Variants in SLCO6A1 observed in about 807,000 individuals in gnomAD.
SLCO6A1 encodes cancer/testis antigen 48.
In SLCO6A1, 65 loss-of-function variants were observed where a neutral mutation model predicts 72.7. That is an observed-to-expected ratio of 0.89 (90% CI 0.73 to 1.10). The LOEUF is 1.10. Among genes scored for constraint, SLCO6A1 ranks in the 50% least tolerant of loss-of-function variants. The pLI is 0.00. For synonymous variants in SLCO6A1, 314 were observed against 298.2 expected (o/e 1.05, Z -0.55); for missense variants, 874 against 872.6 (o/e 1.00, Z -0.02).
chr5:102,422,875 G>A (rs894298455), intron 7 of SLCO6A1, among the ~76,000 whole-genome samples: 4 of 152,092 alleles, frequency 2.6e-5, no homozygotes, highest in South Asian at 2.1e-4. Context: ...CAGCTAGAGA[G>A]AAAGGTCAGG....
chr5:102,404,957 A>G (rs902138558), intron 9 of SLCO6A1, among the ~76,000 whole-genome samples: 1 of 152,188 alleles, frequency 6.6e-6, no homozygotes, highest in Non-Finnish European at 1.5e-5. Context: ...CCTAAATTAA[A>G]AGAAAATACA....
At chr5:102,378,083 C>T (rs950329903) in intron 12 of SLCO6A1, among the ~76,000 whole-genome samples, 1 of 151,424 alleles carries the variant, frequency 6.6e-6, no homozygotes, top group Admixed American at 6.6e-5. Context: ...TATAAGTGTA[C>T]CAAATGGAAT....
At chr5:102,385,823 T>C (rs560574237) in intron 12 of SLCO6A1, among the ~76,000 whole-genome samples, 277 of 133,246 alleles carry the variant, frequency 2.1e-3, no homozygotes, top group African/African-American at 7.2e-3. Flanking sequence ...TCTCCTGTTT[T>C]TCCTTTTTTT....
At chr5:102,463,393 C>T (rs1284812821) in intron 4 of SLCO6A1, among the ~76,000 whole-genome samples, 1 of 152,146 alleles carries the variant, frequency 6.6e-6, no homozygotes, top group Non-Finnish European at 1.5e-5. Context: ...GTAGAACTAC[C>T]ATTTGATCAA....
intron 8 of SLCO6A1, among the ~76,000 whole-genome samples, chr5:102,417,462 T>C (rs982243914): frequency 7.2e-5 from 11 of 152,066 alleles, no homozygotes; most frequent in Admixed American, 5.2e-4. Context: ...TATTTTTTAA[T>C]AATTTCATTT....
chr5:102,498,667 T>G lies in SLCO6A1; in HGVS notation c.178A>C (p.Arg60=). ...YLRLLPEALI[R]FGGFRKRKKA... is the part of the protein sequence containing the mutation. ...TTCCTTTTTCGGAAACCGCCGAACC[T>G]TATCAAGGCCTCTGGAAGTAGTCTC... Residue 60 remains arginine, a synonymous_variant, in exon 1 of 14, where the codon AGG becomes CGG. Transcript: ENST00000506729. 1 of 1,614,214 alleles carries G rather than the reference T, an allele frequency of 6.2e-7. No homozygotes were observed. Among genetic ancestry groups the G allele is most frequent in the Non-Finnish European group, 8.5e-7 (1 of 1,180,024 alleles).
At chr5:102,380,604 A>G (rs1011744555) in intron 12 of SLCO6A1, among the ~76,000 whole-genome samples, 1 of 152,006 alleles carries the variant, frequency 6.6e-6, no homozygotes, top group African/African-American at 2.4e-5. Flanking sequence ...CATGCTCTAG[A>G]GTAGTGCTAG....
intron 4 of SLCO6A1, among the ~76,000 whole-genome samples, chr5:102,473,323 G>A (rs1184708752): frequency 1.3e-5 from 2 of 152,022 alleles, no homozygotes; most frequent in Non-Finnish European, 2.9e-5. Context: ...TTCAGCATAT[G>A]AAAATAAATC....
intron 12 of SLCO6A1, among the ~76,000 whole-genome samples, chr5:102,387,384 C>A (rs533687890): frequency 3.9e-5 from 6 of 152,144 alleles, no homozygotes; most frequent in Non-Finnish European, 8.8e-5. Flanking sequence ...TTCTAGTTCA[C>A]CAACTTTGTC....
chr5:102,438,898 T>TGATA (rs926893327), intron 6 of SLCO6A1, 137 bp from the exon 7 acceptor site: 60 of 331,488 alleles, frequency 1.8e-4, no homozygotes, highest in South Asian at 1.5e-3. Context: ...GATAGATAGA[T>TGATA]GATAGATAGA....
At chr5:102,391,217 T>A in intron 10 of SLCO6A1, 172 bp from the exon 11 acceptor site, 2 of 599,568 alleles carry the variant, frequency 3.3e-6, no homozygotes, top group Non-Finnish European at 2.9e-6. Context: ...ACTCCCCATT[T>A]CTCCATATCC....
At chr5:102,384,940 C>G (rs536651719) in intron 12 of SLCO6A1, among the ~76,000 whole-genome samples, 55 of 152,214 alleles carry the variant, frequency 3.6e-4, no homozygotes, top group South Asian at 6.2e-4. Flanking sequence ...GTACACTCCA[C>G]AGTGTGGGAG....
intron 7 of SLCO6A1, among the ~76,000 whole-genome samples, chr5:102,438,263 G>C (rs1749652542): frequency 6.6e-6 from 1 of 151,930 alleles, no homozygotes; most frequent in East Asian, 1.9e-4. Flanking sequence ...AGCTGCAGAA[G>C]AGTATATATA....
At chr5:102,451,294 AG>A (rs1750403223) in intron 6 of SLCO6A1, among the ~76,000 whole-genome samples, 1 of 152,118 alleles carries the variant, frequency 6.6e-6, no homozygotes, top group Non-Finnish European at 1.5e-5. Flanking sequence ...GAGCTCAGGC[AG>A]GGGTGGGTTG....
In SLCO6A1 at chr5:102,438,747, A is replaced by G; in HGVS notation, c.1146T>C (p.Asn382=). 6.5e-7 allele frequency: 1 copy of G among 1,541,832 alleles called. No homozygotes were observed. Among genetic ancestry groups the G allele is most frequent in the Non-Finnish European group, 8.7e-7 (1 of 1,152,424 alleles). ...LCAALWILMK[N]PVLICLALSK... The stretch of plus-strand genomic sequence containing the variant: ...ACAGAGCTAGGCATATGAGCACTGG[A>G]TTCTTCATCAGAATCTGAAATAAAA... Residue 382 remains asparagine (N), a synonymous_variant, in exon 7 of 14, where the codon AAT becomes AAC. Coordinates refer to ENST00000506729, the MANE Select transcript of SLCO6A1 (RefSeq NM_173488.5).
intron 6 of SLCO6A1, among the ~76,000 whole-genome samples, chr5:102,454,167 T>C (rs980531393): frequency 6.6e-6 from 1 of 152,188 alleles, no homozygotes; most frequent in Non-Finnish European, 1.5e-5. Context: ...AATTGCTGAC[T>C]ACAATGTCCC....
At chr5:102,458,790 A>G (rs1024344166) in intron 5 of SLCO6A1, among the ~76,000 whole-genome samples, 1 of 152,134 alleles carries the variant, frequency 6.6e-6, no homozygotes, top group African/African-American at 2.4e-5. Context: ...AATAAATAAA[A>G]TTTTAATTTA....
intron 1 of SLCO6A1, among the ~76,000 whole-genome samples, chr5:102,488,059 C>T (rs779057886): frequency 1.3e-5 from 2 of 152,114 alleles, no homozygotes; most frequent in African/African-American, 4.8e-5. Flanking sequence ...TAAACGGGAG[C>T]TGTTTCGCAT....
At chr5:102,475,880 T>G in intron 3 of SLCO6A1, 87 bp from the exon 4 acceptor site, 1 of 982,718 alleles carries the variant, frequency 1.0e-6, no homozygotes, top group Non-Finnish European at 1.5e-6. Flanking sequence ...TGATTACTTC[T>G]GAAAGCTTTT....
Sources: gnomAD v4.1 joint callset for allele counts (sites outside exome capture counted in the v4.1 genomes callset) on GRCh38, gnomAD v4.1.1 for gene constraint, MANE v1.5 for transcripts, NCBI Gene and HGNC (gene_info 2026-07-23, HGNC 2026-07-21) for gene names.